The following PRR16 variants were observed in gnomAD, a reference collection of about 807,000 sequenced individuals.
PRR16 encodes the protein protein Largen.
PRR16 carries 6 observed loss-of-function variants against 18.2 expected under a neutral mutation model. That is an observed-to-expected ratio of 0.33 (90% CI 0.18 to 0.65). The LOEUF (loss-of-function observed/expected upper bound fraction) is 0.65. Among genes scored for constraint, PRR16 ranks in the 30% least tolerant of loss-of-function variants. The pLI, the probability that PRR16 is intolerant of heterozygous loss-of-function variation, is 0.74. For synonymous variants in PRR16, 151 were observed against 147.8 expected, an observed-to-expected ratio of 1.02 and a Z score of -0.16; for missense variants, 412 against 376.6, an observed-to-expected ratio of 1.09 and a Z score of -0.78.
the PRR16 span, among the ~76,000 whole-genome samples, chr5:120,759,992 G>A: frequency 6.6e-6 from 1 of 152,104 alleles, no homozygotes; most frequent in Non-Finnish European, 1.5e-5. Flanking sequence ...TGTGTAAAAG[G>A]TGCTAATCTA....
intron 1 of PRR16, among the ~76,000 whole-genome samples, chr5:120,649,546 A>G (rs1755706269): frequency 6.6e-6 from 1 of 152,192 alleles, no homozygotes; most frequent in Non-Finnish European, 1.5e-5. Context: ...GGGTTTAAGC[A>G]TAAAGTAAAC....
intron 1 of PRR16, among the ~76,000 whole-genome samples, chr5:120,540,220 A>G (rs1338722238): frequency 6.6e-6 from 1 of 152,206 alleles, no homozygotes; most frequent in African/African-American, 2.4e-5. Flanking sequence ...GCCTCCCTTC[A>G]GGCCAGGACA....
At chr5:120,671,656 A>C (rs1182624080) in intron 1 of PRR16, among the ~76,000 whole-genome samples, 1 of 152,174 alleles carries the variant, frequency 6.6e-6, no homozygotes, top group African/African-American at 2.4e-5. Flanking sequence ...CTGAGATGTA[A>C]AAAGTAAAAA....
chr5:120,665,874 T>C (rs1756356012), intron 1 of PRR16, among the ~76,000 whole-genome samples: 1 of 152,174 alleles, frequency 6.6e-6, no homozygotes, highest in Non-Finnish European at 1.5e-5. Context: ...TGTAGTATAG[T>C]TTGAAGTCAG....
chr5:120,496,504 T>C (rs1054564110), intron 1 of PRR16, among the ~76,000 whole-genome samples: 2 of 152,116 alleles, frequency 1.3e-5, no homozygotes, highest in Admixed American at 1.3e-4. Context: ...GAGTTGTTTT[T>C]AGTATTCCCT....
At chr5:120,555,103 GTTTA>G (rs764587296) in intron 1 of PRR16, among the ~76,000 whole-genome samples, 24 of 151,948 alleles carry the variant, frequency 1.6e-4, no homozygotes, top group East Asian at 1.9e-4. Flanking sequence ...AATATCTAGT[GTTTA>G]TTTATTTATT....
chr5:120,627,739 A>G lies in PRR16; in HGVS notation c.160-58215A>G, dbSNP rs1393028980. On this transcript the variant is annotated intron_variant, in intron 1 of 1. Transcript: ENST00000407149. ...TTACAAAAGGTGTAATTAGGCTCTG[A>G]TGGAGCTCCAAGTTATTCTTCCCCC... 2.6e-5 allele frequency among the ~76,000 whole-genome samples: 4 copies of G among 152,102 alleles called. No homozygotes were observed. The South Asian group carries it at 6.2e-4, about 24-fold the overall frequency.
At chr5:120,636,423 A>T (rs962356403) in intron 1 of PRR16, among the ~76,000 whole-genome samples, 2 of 152,220 alleles carry the variant, frequency 1.3e-5, no homozygotes, top group Non-Finnish European at 2.9e-5. Context: ...CAGTATAAAA[A>T]TAGGCACATA....
chr5:120,616,744 G>C lies in PRR16; in HGVS notation c.160-69210G>C, dbSNP rs192090554. Among the ~76,000 whole-genome samples, 111 of 152,202 alleles carry C rather than the reference G, an allele frequency of 7.3e-4. 1 individual carries two copies. Among genetic ancestry groups the C allele is most frequent in the Admixed American group, 4.3e-3 (65 of 15,280 alleles). ...AGACAAAAACAATATTGAATGATGA[G>C]TCAGTGGTAACCTACAAAGCATCCA... On this transcript the variant is annotated intron_variant, in intron 1 of 1. Coordinates refer to ENST00000407149, the MANE Select transcript of PRR16 (RefSeq NM_001300783.2).
At chr5:120,759,593 T>G in the PRR16 span, among the ~76,000 whole-genome samples, 15 of 152,234 alleles carry the variant, frequency 9.9e-5, no homozygotes, top group African/African-American at 3.6e-4. Flanking sequence ...TTTTATGATA[T>G]TGTAATGGTG....
the PRR16 span, among the ~76,000 whole-genome samples, chr5:120,764,442 C>G: frequency 6.6e-6 from 1 of 151,352 alleles, no homozygotes; most frequent in African/African-American, 2.4e-5. Context: ...TTTTAATGTG[C>G]TCTTGGGTTT....
intron 1 of PRR16, among the ~76,000 whole-genome samples, chr5:120,641,666 G>C (rs1755426794): frequency 6.6e-6 from 1 of 151,998 alleles, no homozygotes; most frequent in African/African-American, 2.4e-5. Context: ...ATCTGCTCTA[G>C]ATGGCTTTCA....
At chr5:120,519,584 TGATG>T (rs1244446404) in intron 1 of PRR16, among the ~76,000 whole-genome samples, 9 of 152,178 alleles carry the variant, frequency 5.9e-5, no homozygotes, top group Non-Finnish European at 1.5e-5. Context: ...CCACATCATA[TGATG>T]TTAAAAGGCC....
chr5:120,736,605 GT>G, the PRR16 span, among the ~76,000 whole-genome samples: 2 of 106,014 alleles, frequency 1.9e-5, no homozygotes, highest in African/African-American at 3.8e-5. Context: ...AATTTTTAGA[GT>G]TTTTTTCTAT....
chr5:120,754,290 A>AATATATAATATATAATATATAAATATT, the PRR16 span, among the ~76,000 whole-genome samples: 3 of 73,758 alleles, frequency 4.1e-5, no homozygotes, highest in African/African-American at 1.7e-4. Flanking sequence ...ATAAATATAT[A>AATATATAATATATAATATATAAATATT]ATATATAATA....
At chr5:120,537,255 G>C (rs1348591372) in intron 1 of PRR16, among the ~76,000 whole-genome samples, 1 of 152,096 alleles carries the variant, frequency 6.6e-6, no homozygotes, top group African/African-American at 2.4e-5. Context: ...AATTGAATTT[G>C]AATACATGGA....
the PRR16 span, among the ~76,000 whole-genome samples, chr5:120,707,019 A>G: frequency 6.6e-6 from 1 of 152,196 alleles, no homozygotes; most frequent in African/African-American, 2.4e-5. Context: ...TCCCAGATTG[A>G]GAAGATCTTC....
At chr5:120,611,899 AG>A (rs1754347071) in intron 1 of PRR16, among the ~76,000 whole-genome samples, 1 of 152,162 alleles carries the variant, frequency 6.6e-6, no homozygotes, top group Non-Finnish European at 1.5e-5. Context: ...CACCTGGAAA[AG>A]CCACAGACAC....
intron 1 of PRR16, among the ~76,000 whole-genome samples, chr5:120,569,989 T>A (rs943931799): frequency 6.6e-6 from 1 of 152,156 alleles, no homozygotes; most frequent in African/African-American, 2.4e-5. Flanking sequence ...TAGATTTGGC[T>A]TATTTGGACC....
Sources: allele counts gnomAD v4.1 joint callset (sites outside exome capture counted in the v4.1 genomes callset), GRCh38; gene constraint gnomAD v4.1.1; transcripts MANE v1.5; gene names NCBI Gene and HGNC (gene_info 2026-07-23, HGNC 2026-07-21).